Variants in BCO1 observed in about 807,000 individuals in gnomAD.
BCO1 encodes the protein beta,beta-carotene 15,15'-dioxygenase.
In BCO1, 54 loss-of-function variants were observed where a neutral mutation model predicts 56.3. That is an observed-to-expected ratio of 0.96 (90% CI 0.77 to 1.20). BCO1 has a LOEUF of 1.20. Among genes scored for constraint, BCO1 ranks in the 50% most tolerant of loss-of-function variants. The pLI, the probability that BCO1 is intolerant of heterozygous loss-of-function variation, is 0.00. For synonymous variants in BCO1, 318 were observed against 266.1 expected (o/e 1.20, Z -1.90); for missense variants, 801 against 690.9 (o/e 1.16, Z -1.79).
chr16:81,283,745 G>C (rs1009526273), intron 8 of BCO1, among the ~76,000 whole-genome samples: 2 of 151,840 alleles, frequency 1.3e-5, no homozygotes, highest in African/African-American at 2.4e-5. Flanking sequence ...TTTATCCATG[G>C]ATGTATCTCT....
chr16:81,270,014 T>G (rs1907084371), intron 6 of BCO1, 145 bp from the exon 7 acceptor site: 1 of 1,011,682 alleles, frequency 9.9e-7, no homozygotes, highest in African/African-American at 1.6e-5. Flanking sequence ...GCCTGTCTGG[T>G]GTTGTGGAGC....
intron 10 of BCO1, among the ~76,000 whole-genome samples, chr16:81,289,429 C>T (rs905520165): frequency 3.3e-5 from 5 of 152,072 alleles, no homozygotes; most frequent in African/African-American, 1.2e-4. Flanking sequence ...ATCGCTTGAG[C>T]CCAGGAGTCC....
At position 81,259,218 on chromosome 16, in the gene BCO1, G is replaced by C. The variant is rs1597355928; in HGVS notation, c.194-458G>C. Among the ~76,000 whole-genome samples the C allele has an allele frequency of 2.0e-5, 3 of 152,312 alleles. No homozygotes were observed. The East Asian group carries it at 5.8e-4, about 29-fold the overall frequency. On this transcript the variant is annotated intron_variant, in intron 2 of 10. Coordinates refer to ENST00000258168, the MANE Select transcript of BCO1 (RefSeq NM_017429.3). The stretch of plus-strand genomic sequence containing the variant: ...TGTCTAAAATTATATTCCAGGCCGG[G>C]CATGGTGGCTCACGCTTGTAATTTC...
intron 2 of BCO1, among the ~76,000 whole-genome samples, chr16:81,253,448 A>G (rs949096175): frequency 2.0e-5 from 3 of 152,198 alleles, no homozygotes; most frequent in Non-Finnish European, 4.4e-5. Flanking sequence ...TTGGTACATG[A>G]TGAAGCCAGG....
intron 3 of BCO1, among the ~76,000 whole-genome samples, chr16:81,260,106 T>C (rs1199809570): frequency 1.3e-5 from 2 of 152,154 alleles, no homozygotes; most frequent in African/African-American, 4.8e-5. Flanking sequence ...GCATAGAAAA[T>C]GACACATGCA....
At chr16:81,286,690 A>T (rs2150648464) in intron 9 of BCO1, among the ~76,000 whole-genome samples, 1 of 152,138 alleles carries the variant, frequency 6.6e-6, no homozygotes, top group African/African-American at 2.4e-5. Flanking sequence ...TCTCTATATT[A>T]AAAAATAATA....
chr16:81,265,177 C>T (rs141860315), intron 5 of BCO1, among the ~76,000 whole-genome samples: 7 of 151,624 alleles, frequency 4.6e-5, no homozygotes, highest in African/African-American at 1.7e-4. Flanking sequence ...CATCCACCCA[C>T]CTACCCACCA....
At chr16:81,288,502 C>T (rs1372870379) in intron 10 of BCO1, among the ~76,000 whole-genome samples, 3 of 152,092 alleles carry the variant, frequency 2.0e-5, no homozygotes, top group Admixed American at 6.6e-5. Flanking sequence ...TGGGCTCAAG[C>T]GATCCTCCCA....
In BCO1 at chr16:81,261,950, G is replaced by C. The variant is rs1386624920; in HGVS notation, c.324-186G>C. On this transcript the variant is annotated intron_variant, in intron 3 of 10. Transcript: ENST00000258168. The stretch of plus-strand genomic sequence containing the variant: ...GTACAGACGGGGTTTCACCGTGTTG[G>C]CCAGGATGGTCTCAATCTCCTGACC... 3 of 648,232 alleles carry C rather than the reference G, an allele frequency of 4.6e-6. No individual in the cohort carries two copies. In the East Asian group the frequency reaches 9.0e-5, roughly 20 times the overall value. The allele number at this position is 648,232 out of a possible 1,614,324, so 40.2% of individuals were successfully genotyped here.
intron 7 of BCO1, among the ~76,000 whole-genome samples, chr16:81,279,628 C>T (rs982066048): frequency 1.3e-5 from 2 of 152,092 alleles, no homozygotes; most frequent in Admixed American, 6.5e-5. Context: ...CATAAGGAAA[C>T]GGAACTATAG....
rs536416750 is a variant in BCO1 at position 81,249,807 on chromosome 16, G to A, written c.193+4204G>A. Among the ~76,000 whole-genome samples the A allele has an allele frequency of 5.3e-5, 8 of 152,280 alleles. No homozygotes were observed. In the East Asian group the frequency reaches 1.2e-3, roughly 22 times the overall value. ...ATCTTTCTCTTAGACCTAGGCCAGC[G>A]TCTGAGGGTTCATGCCCCATTCTGC... On this transcript the variant is annotated intron_variant, in intron 2 of 10. Coordinates refer to ENST00000258168, the MANE Select transcript of BCO1 (RefSeq NM_017429.3).
intron 1 of BCO1, among the ~76,000 whole-genome samples, chr16:81,240,836 A>T (rs1241761441): frequency 1.1e-4 from 15 of 139,802 alleles, no homozygotes; most frequent in Non-Finnish European, 2.1e-4. Context: ...TTTAATTTTA[A>T]TTTTTTTTTT....
intron 7 of BCO1, among the ~76,000 whole-genome samples, chr16:81,279,904 A>G (rs927308919): frequency 2.0e-5 from 3 of 152,222 alleles, no homozygotes; most frequent in African/African-American, 4.8e-5. Context: ...CTGAAAATAC[A>G]GAGAGGCATA....
At chr16:81,249,601 AT>A (rs1388012114) in intron 2 of BCO1, among the ~76,000 whole-genome samples, 1 of 151,722 alleles carries the variant, frequency 6.6e-6, no homozygotes, top group African/African-American at 2.4e-5. Flanking sequence ...GGGTTTCATC[AT>A]GTTGGCCAGG....
Position 81,280,940 on chromosome 16 carries a change from C to G in BCO1, c.1185C>G (p.Cys395Trp). 1 of 1,613,816 alleles carries G rather than the reference C, an allele frequency of 6.2e-7. No individual in the cohort carries two copies. The highest frequency in any genetic ancestry group is 2.2e-5 in the East Asian group (1 of 44,876). The change falls in exon 8 of 11, where the codon TGC becomes TGG. Residue 395 changes from cysteine to tryptophan, a missense_variant. Physicochemically the swap from Cys to Trp is radical, Grantham distance 215 (BLOSUM62 -2). Coordinates refer to ENST00000258168, the MANE Select transcript of BCO1 (RefSeq NM_017429.3). ...ALKEEDGQVY[C>W]QPEFLYEGLE... The stretch of plus-strand genomic sequence containing the variant: ...AGGAAGAAGATGGCCAAGTCTACTG[C>G]CAGCCGGAATTTCTTTATGAAGGTA...
At chr16:81,267,111 A>G (rs916234620) in intron 5 of BCO1, among the ~76,000 whole-genome samples, 1 of 152,166 alleles carries the variant, frequency 6.6e-6, no homozygotes, top group African/African-American at 2.4e-5. Context: ...AGGCACATGG[A>G]TGACTGCTTT....
intron 2 of BCO1, among the ~76,000 whole-genome samples, chr16:81,256,486 C>T (rs1260156712): frequency 2.0e-5 from 3 of 152,044 alleles, no homozygotes; most frequent in African/African-American, 4.8e-5. Context: ...AAATGAAATG[C>T]GTTCTGTAAA....
chr16:81,268,205 A>T, intron 6 of BCO1, 74 bp downstream of exon 6: 2 of 1,382,128 alleles, frequency 1.4e-6, no homozygotes, highest in South Asian at 2.3e-5. Flanking sequence ...AGGAGGGTGA[A>T]GTTTAAGGCA....
chr16:81,289,090 T>C (rs1908331343), intron 10 of BCO1, among the ~76,000 whole-genome samples: 2 of 152,218 alleles, frequency 1.3e-5, no homozygotes, highest in Admixed American at 6.5e-5. Context: ...AGTGACCTTT[T>C]TGCCCAAGGT....
Sources: gnomAD v4.1 joint callset for allele counts (sites outside exome capture counted in the v4.1 genomes callset) on GRCh38, gnomAD v4.1.1 for gene constraint, MANE v1.5 for transcripts, NCBI Gene and HGNC (gene_info 2026-07-23, HGNC 2026-07-21) for gene names.